Variants in GRXCR1 observed in about 807,000 individuals in gnomAD.
GRXCR1 encodes the protein glutaredoxin domain-containing cysteine-rich protein 1.
Under a neutral mutation model 27.3 loss-of-function variants are expected in GRXCR1, and 27 were observed. That is an observed-to-expected ratio of 0.99 (90% CI 0.73 to 1.37). GRXCR1 has a LOEUF of 1.37. GRXCR1 is among the 40% of genes most tolerant of loss of function. The probability of loss-of-function intolerance (pLI) is 0.00; values close to 1 mark genes in which losing one functional copy is unlikely to be tolerated. For synonymous variants in GRXCR1, 122 were observed against 131.1 expected (o/e 0.93, Z 0.47); for missense variants, 379 against 354.4 (o/e 1.07, Z -0.56).
intron 2 of GRXCR1, among the ~76,000 whole-genome samples, chr4:43,011,796 G>A (rs143404770): frequency 6.6e-6 from 1 of 152,232 alleles, no homozygotes; most frequent in East Asian, 1.9e-4. Flanking sequence ...CACATTGTAG[G>A]GAGGTCTTTC....
intron 1 of GRXCR1, among the ~76,000 whole-genome samples, chr4:42,945,770 C>T (rs984347475): frequency 3.2e-4 from 48 of 152,140 alleles, no homozygotes; most frequent in Admixed American, 1.4e-3. Flanking sequence ...TAAAGGATAA[C>T]GATGCTCTCT....
At chr4:42,983,127 G>C (rs1189450142) in intron 2 of GRXCR1, among the ~76,000 whole-genome samples, 1 of 150,502 alleles carries the variant, frequency 6.6e-6, no homozygotes, top group Non-Finnish European at 1.5e-5. Context: ...TGAAGTCCTT[G>C]CCCATGCCTA....
chr4:42,949,140 G>C (rs555346552), intron 1 of GRXCR1, among the ~76,000 whole-genome samples: 1 of 151,922 alleles, frequency 6.6e-6, no homozygotes, highest in African/African-American at 2.4e-5. Flanking sequence ...CAGATCACGA[G>C]GTCAGGAGAT....
At chr4:42,934,568 A>G (rs1747412705) in intron 1 of GRXCR1, among the ~76,000 whole-genome samples, 1 of 151,936 alleles carries the variant, frequency 6.6e-6, no homozygotes, top group South Asian at 2.1e-4. Context: ...TTTGCATCTT[A>G]GCTAACAGAA....
intron 2 of GRXCR1, among the ~76,000 whole-genome samples, chr4:42,980,147 G>A (rs1320959483): frequency 1.3e-5 from 2 of 150,990 alleles, no homozygotes; most frequent in African/African-American, 4.9e-5. Context: ...ATTTATTTCT[G>A]TTCTCATCTT....
intron 1 of GRXCR1, 130 bp downstream of exon 1, chr4:42,893,780 C>A: frequency 2.2e-6 from 2 of 895,850 alleles, no homozygotes; most frequent in Non-Finnish European, 3.7e-6. Flanking sequence ...GCTCCTCCAC[C>A]TAAGATACTG....
chr4:42,979,464 T>G (rs1161422094), intron 2 of GRXCR1, among the ~76,000 whole-genome samples: 1 of 152,106 alleles, frequency 6.6e-6, no homozygotes, highest in African/African-American at 2.4e-5. Context: ...TTCATTCTGT[T>G]AATGTGATAT....
intron 1 of GRXCR1, 152 bp downstream of exon 1, chr4:42,893,802 A>C (rs1015326967): frequency 2.4e-6 from 2 of 821,548 alleles, no homozygotes; most frequent in African/African-American, 1.7e-5. Flanking sequence ...CCTAACAGCT[A>C]TCAATTAAAA....
At chr4:42,980,056 C>A (rs11736502) in intron 2 of GRXCR1, among the ~76,000 whole-genome samples, 50,575 of 141,668 alleles carry the variant, frequency 0.36, 9,391 homozygotes, top group East Asian at 0.53. Flanking sequence ...TCTTTTTTTC[C>A]TTAGTCTAGC....
chr4:42,998,524 G>A (rs557329954), intron 2 of GRXCR1, among the ~76,000 whole-genome samples: 180 of 152,254 alleles, frequency 1.2e-3, no homozygotes, highest in Non-Finnish European at 1.6e-3. Context: ...TTGTAAAAAT[G>A]TTAATGATTG....
chr4:42,999,549 A>G (rs1456970239), intron 2 of GRXCR1, among the ~76,000 whole-genome samples: 1 of 152,158 alleles, frequency 6.6e-6, no homozygotes, highest in Non-Finnish European at 1.5e-5. Flanking sequence ...TTTATTTCCT[A>G]TACAACAGTG....
At chr4:42,909,163 C>A (rs1161091350) in intron 1 of GRXCR1, among the ~76,000 whole-genome samples, 4 of 152,162 alleles carry the variant, frequency 2.6e-5, no homozygotes, top group Non-Finnish European at 4.4e-5. Context: ...TACGTGGCAA[C>A]CCTCATTCCT....
chr4:42,982,131 T>C (rs934036798), intron 2 of GRXCR1, among the ~76,000 whole-genome samples: 14 of 152,034 alleles, frequency 9.2e-5, no homozygotes, highest in Middle Eastern at 3.2e-3. Flanking sequence ...TGTATACATG[T>C]GCCATGCTGG....
chr4:42,980,957 TG>T (rs1748649636), intron 2 of GRXCR1, among the ~76,000 whole-genome samples: 2 of 150,784 alleles, frequency 1.3e-5, no homozygotes, highest in African/African-American at 4.9e-5. Flanking sequence ...TTGTTTTTTT[TG>T]TGTTTTTTTT....
intron 3 of GRXCR1, among the ~76,000 whole-genome samples, chr4:43,021,976 A>G (rs953336254): frequency 6.6e-6 from 1 of 151,940 alleles, no homozygotes; most frequent in African/African-American, 2.4e-5. Flanking sequence ...TGATTTCTTT[A>G]TCTATTAAAT....
intron 2 of GRXCR1, among the ~76,000 whole-genome samples, chr4:42,973,560 C>T (rs1419496971): frequency 1.3e-5 from 2 of 151,910 alleles, no homozygotes; most frequent in Non-Finnish European, 2.9e-5. Context: ...TGATTAATGG[C>T]CTCACAATTC....
intron 1 of GRXCR1, among the ~76,000 whole-genome samples, chr4:42,917,318 G>A (rs1026767466): frequency 2.6e-5 from 4 of 152,228 alleles, no homozygotes; most frequent in African/African-American, 7.2e-5. Context: ...TGAGAGCTCC[G>A]TGTTTCATTC....
Position 42,963,043 on chromosome 4 carries a change from G to A in GRXCR1, c.536G>A (p.Gly179Asp), listed in dbSNP as rs1488930615. 1 of 1,612,816 alleles carries A rather than the reference G, an allele frequency of 6.2e-7. No homozygotes were observed. Among genetic ancestry groups the A allele is most frequent in the Admixed American group, 1.7e-5 (1 of 59,928 alleles). The part of the protein sequence containing the change: ...KFEEKNIALN[G>D]EYGKELDERC... ...GAAGAGAAAAACATAGCCCTGAATG[G>A]TGAATATGGAAAAGAGTTAGACGAA... The change falls in exon 2 of 4, where the codon GGT (glycine) becomes GAT (aspartate). Residue 179 changes from glycine (G) to aspartate (D), a missense_variant. Gly to Asp is a moderately conservative substitution (Grantham distance 94, BLOSUM62 -1). Transcript: ENST00000399770.
chr4:42,912,635 G>A (rs2109745873), intron 1 of GRXCR1, among the ~76,000 whole-genome samples: 1 of 152,260 alleles, frequency 6.6e-6, no homozygotes, highest in African/African-American at 2.4e-5. Context: ...ATATATTCAT[G>A]TATGTGCAGA....
Sources: allele counts gnomAD v4.1 joint callset (sites outside exome capture counted in the v4.1 genomes callset), GRCh38; gene constraint gnomAD v4.1.1; transcripts MANE v1.5; gene names NCBI Gene and HGNC (gene_info 2026-07-23, HGNC 2026-07-21).